Variants in CNTROB observed in about 807,000 individuals in gnomAD.
CNTROB encodes centrobin.
Under a neutral mutation model 115.7 loss-of-function variants are expected in CNTROB, and 82 were observed. The observed-to-expected ratio is 0.71, with a 90% CI of 0.59 to 0.85. The LOEUF is 0.85. CNTROB is among the 40% of genes least tolerant of loss of function. The pLI is 0.00. For synonymous variants in CNTROB, 439 were observed against 456.4 expected (o/e 0.96, Z 0.49); for missense variants, 1,014 against 1,144.4 (o/e 0.89, Z 1.64).
At chr17:7,937,471 T>G (rs1457890553) in intron 7 of CNTROB, among the ~76,000 whole-genome samples, 1 of 152,138 alleles carries the variant, frequency 6.6e-6, no homozygotes, top group East Asian at 1.9e-4. Context: ...CTCTGCAAAT[T>G]GTATCATCAT....
At chr17:7,947,248 G>A (rs1327146842) in intron 13 of CNTROB, among the ~76,000 whole-genome samples, 1 of 151,986 alleles carries the variant, frequency 6.6e-6, no homozygotes, top group Non-Finnish European at 1.5e-5. Context: ...AGGCATATTC[G>A]GGGGAAGAGG....
chr17:7,943,648 C>G lies in CNTROB; in HGVS notation c.1445+124C>G. The G allele has an allele frequency of 9.6e-7, 1 of 1,042,016 alleles. No homozygotes were observed. The highest frequency in any genetic ancestry group is 2.7e-5 in the East Asian group (1 of 36,996). The allele number at this position is 1,042,016 out of a possible 1,614,324, so 64.5% of individuals were successfully genotyped here. The stretch of plus-strand genomic sequence containing the variant: ...TGTGACTCCCAGGGTGCGCTAACTC[C>G]CATCAGCTGGGACCTGAGTCTCTCT... On this transcript the variant is annotated intron_variant, in intron 10 of 18. Coordinates refer to ENST00000563694, the MANE Select transcript of CNTROB (RefSeq NM_053051.5). The surrounding 1 kb of genome is among the most constrained non-coding windows in gnomAD (Gnocchi z 4.7).
intron 4 of CNTROB, 36 bp downstream of exon 4, chr17:7,935,181 G>C: frequency 6.2e-7 from 1 of 1,612,702 alleles, no homozygotes; most frequent in South Asian, 1.1e-5. Flanking sequence ...AAGCAGCAAA[G>C]ATTAGAAAGA....
intron 7 of CNTROB, among the ~76,000 whole-genome samples, chr17:7,938,571 G>A (rs1399142223): frequency 2.6e-5 from 4 of 152,136 alleles, no homozygotes; most frequent in Non-Finnish European, 5.9e-5. Context: ...GCCTGATGCC[G>A]TGCTAAATGC....
chr17:7,933,079 C>T lies in CNTROB; in HGVS notation c.-1C>T. Reference sequence around the variant, plus strand: ...TCTCCGGTTGTCTCTTCCCTGTATTCATGGCAACATCAGCTGACAGCCCCA... The same window carrying T: ...TCTCCGGTTGTCTCTTCCCTGTATTTATGGCAACATCAGCTGACAGCCCCA... On this transcript the variant is annotated 5_prime_UTR_variant, in exon 1 of 19. Transcript: ENST00000563694. 1 of 1,613,562 alleles carries T rather than the reference C, an allele frequency of 6.2e-7. No individual in the cohort carries two copies. The highest frequency in any genetic ancestry group is 1.7e-5 in the Admixed American group (1 of 59,922).
chr17:7,945,620 G>C, intron 12 of CNTROB, 108 bp from the exon 13 acceptor site: 1 of 1,189,930 alleles, frequency 8.4e-7, no homozygotes, highest in Non-Finnish European at 1.2e-6. Flanking sequence ...TTACAGGTGT[G>C]AGCCACTGCA....
At chr17:7,940,663 T>C (rs1973748737) in intron 9 of CNTROB, among the ~76,000 whole-genome samples, 1 of 152,202 alleles carries the variant, frequency 6.6e-6, no homozygotes, top group Non-Finnish European at 1.5e-5. Context: ...AGGAGGGCAA[T>C]GATTTTTTAA....
At chr17:7,946,011 G>T (rs746576117) in intron 13 of CNTROB, 25 bp downstream of exon 13, 2 of 1,609,112 alleles carry the variant, frequency 1.2e-6, no homozygotes, top group East Asian at 4.5e-5. Flanking sequence ...AAGTCACTGG[G>T]GTTCCCCTTC....
Position 7,948,942 on chromosome 17 carries a change from A to G in CNTROB, c.2514-143A>G. 10 of 1,545,070 alleles carry G rather than the reference A, an allele frequency of 6.5e-6. No homozygotes were observed. Among genetic ancestry groups the G allele is most frequent in the Non-Finnish European group, 8.7e-6 (10 of 1,145,032 alleles). ...TGTAACTCGTTATTTACTTCCACTA[A>G]TGTCTCCTCCCAGTTGATGCCCAGG... is the stretch of plus-strand genomic sequence containing the variant. On this transcript the variant is annotated intron_variant, in intron 17 of 18. Transcript: ENST00000563694. The surrounding 1 kb of genome is among the most constrained non-coding windows in gnomAD (Gnocchi z 4.4).
Position 7,943,513 on chromosome 17 carries a change from G to A in CNTROB, c.1434G>A (p.Arg478=). The change falls in exon 10 of 19, where the codon AGG becomes AGA. Residue 478 remains arginine (R), a synonymous_variant. Coordinates refer to ENST00000563694, the MANE Select transcript of CNTROB (RefSeq NM_053051.5). The surrounding 1 kb of genome is among the most constrained non-coding windows in gnomAD (Gnocchi z 4.7). The part of the protein sequence containing the change: ...ESSLRQAASL[R]EHHRKQLQDL... ...GCCTACGGCAAGCAGCCTCCCTCAG[G>A]GAACATCACAGGTACGTGGGACTCA... is the stretch of plus-strand genomic sequence containing the variant. 6.2e-7 allele frequency: 1 copy of A among 1,612,678 alleles called. No individual in the cohort carries two copies. The highest frequency in any genetic ancestry group is 8.5e-7 in the Non-Finnish European group (1 of 1,179,042).
chr17:7,940,094 A>G lies in CNTROB; in HGVS notation c.1165-2A>G. 4 of 1,592,870 alleles carry G rather than the reference A, an allele frequency of 2.5e-6. No homozygotes were observed. The highest frequency in any genetic ancestry group is 3.4e-6 in the Non-Finnish European group (4 of 1,171,294). On this transcript the variant is annotated splice_acceptor_variant, in intron 8 of 18. Coordinates refer to ENST00000563694, the MANE Select transcript of CNTROB (RefSeq NM_053051.5). LOFTEE classifies it high-confidence loss of function. Reference sequence around the variant, plus strand: ...TATATACATTTGATTTGTCTTTCATAGGAGAAGAGCCAGAGGGAAGCCCAG... The same window carrying G: ...TATATACATTTGATTTGTCTTTCATGGGAGAAGAGCCAGAGGGAAGCCCAG...
intron 13 of CNTROB, among the ~76,000 whole-genome samples, chr17:7,947,356 T>C (rs972446627): frequency 6.6e-6 from 1 of 152,172 alleles, no homozygotes; most frequent in Non-Finnish European, 1.5e-5. Flanking sequence ...CTGTCTATAT[T>C]TCTGTCTTAG....
intron 13 of CNTROB, among the ~76,000 whole-genome samples, chr17:7,947,250 G>A (rs1471099062): frequency 6.6e-6 from 1 of 152,074 alleles, no homozygotes; most frequent in Non-Finnish European, 1.5e-5. Context: ...GCATATTCGG[G>A]GGAAGAGGTC....
chr17:7,948,472 T>C lies in CNTROB; in HGVS notation c.2381-15T>C. ...GCCCTAGGATGACGCCTGTGATTATTGCGATGTCTGTCAGGTGGAGATGGG... is the reference window on the plus strand; with the variant it reads ...GCCCTAGGATGACGCCTGTGATTATCGCGATGTCTGTCAGGTGGAGATGGG... On this transcript the variant is annotated splice_polypyrimidine_tract_variant and intron_variant, in intron 16 of 18. Transcript: ENST00000563694. The surrounding 1 kb of genome is among the most constrained non-coding windows in gnomAD (Gnocchi z 4.4). 1 of 1,614,084 alleles carries C rather than the reference T, an allele frequency of 6.2e-7. No individual in the cohort carries two copies. Among genetic ancestry groups the C allele is most frequent in the Non-Finnish European group, 8.5e-7 (1 of 1,179,996 alleles).
At position 7,944,066 on chromosome 17, in the gene CNTROB, G is replaced by A. The variant is rs1417131292; in HGVS notation, c.1446-57G>A. 7.1e-6 allele frequency: 10 copies of A among 1,405,442 alleles called. No homozygotes were observed. The highest frequency in any genetic ancestry group is 1.0e-5 in the Non-Finnish European group (10 of 999,262). 87.1% of individuals were successfully genotyped at this position (1,405,442 alleles called of 1,614,324 possible). On this transcript the variant is annotated intron_variant, in intron 10 of 18. Transcript: ENST00000563694. The surrounding 1 kb of genome is among the most constrained non-coding windows in gnomAD (Gnocchi z 4.0). ...GTGCACACATGATGTCTTTTTCTCA[G>A]TTGGTCACTTCTTCTGTCTCCAGTC...
In CNTROB at chr17:7,932,996, T is replaced by A; in HGVS notation, c.-84T>A. ...GTCTTCCTCCCTTCTCCCAAGTCTTTCTCCGTGAACTTTTCCTCCTGGACT... is the reference window on the plus strand; with the variant it reads ...GTCTTCCTCCCTTCTCCCAAGTCTTACTCCGTGAACTTTTCCTCCTGGACT... On this transcript the variant is annotated 5_prime_UTR_variant, in exon 1 of 19. Coordinates refer to ENST00000563694, the MANE Select transcript of CNTROB (RefSeq NM_053051.5). 6.9e-7 allele frequency: 1 copy of A among 1,439,698 alleles called. No individual in the cohort carries two copies. Among genetic ancestry groups the A allele is most frequent in the Non-Finnish European group, 9.4e-7 (1 of 1,061,274 alleles). 89.2% of individuals were successfully genotyped at this position (1,439,698 alleles called of 1,614,324 possible). A position where few individuals can be genotyped will look rare whatever the true frequency, so the allele number is the denominator to read the frequency against.
intron 7 of CNTROB, among the ~76,000 whole-genome samples, chr17:7,938,020 T>TTTTTTTA (rs1973401313): frequency 6.8e-6 from 1 of 148,100 alleles, no homozygotes; most frequent in African/African-American, 2.5e-5. Context: ...TTTTTTTTTT[T>TTTTTTTA]GAGACAGGGT....
intron 13 of CNTROB, among the ~76,000 whole-genome samples, chr17:7,947,129 T>C (rs1425301634): frequency 1.4e-5 from 2 of 147,636 alleles, no homozygotes; most frequent in South Asian, 2.1e-4. Flanking sequence ...CCGCTGCACT[T>C]CAGCCTGGGC....
chr17:7,934,701 C>T (rs1245528296), intron 3 of CNTROB, among the ~76,000 whole-genome samples, 155 bp downstream of exon 3: 1 of 152,176 alleles, frequency 6.6e-6, no homozygotes, highest in African/African-American at 2.4e-5. Context: ...CTGTCTCCTG[C>T]CCCCTTTACT....
Sources: gnomAD v4.1 joint callset for allele counts (sites outside exome capture counted in the v4.1 genomes callset) on GRCh38, gnomAD v4.1.1 for gene constraint, Gnocchi (gnomAD v3.1) non-coding constraint, MANE v1.5 for transcripts, NCBI Gene and HGNC (gene_info 2026-07-23, HGNC 2026-07-21) for gene names.